The following SEMA3C variants were observed in gnomAD, a reference collection of about 807,000 sequenced individuals.
SEMA3C encodes the protein semaphorin-3C.
In SEMA3C, 47 loss-of-function variants were observed where a neutral mutation model predicts 89.4. The ratio of observed to expected loss-of-function variants is 0.53; its 90% CI spans 0.42 to 0.67. The LOEUF (loss-of-function observed/expected upper bound fraction) is 0.67. Among genes scored for constraint, SEMA3C ranks in the 30% least tolerant of loss-of-function variants. The pLI, the probability that SEMA3C is intolerant of heterozygous loss-of-function variation, is 0.00. For synonymous variants in SEMA3C, 310 were observed against 320.2 expected, an observed-to-expected ratio of 0.97 and a Z score of 0.34; for missense variants, 839 against 929.1, an observed-to-expected ratio of 0.90 and a Z score of 1.26.
At chr7:80,751,933 G>A (rs563794140) in intron 15 of SEMA3C, among the ~76,000 whole-genome samples, 121 of 152,260 alleles carry the variant, frequency 7.9e-4, no homozygotes, top group African/African-American at 2.8e-3. Flanking sequence ...GTACAGATAT[G>A]AGTAAAATGA....
chr7:80,818,989 C>T (rs1789680506), intron 4 of SEMA3C, among the ~76,000 whole-genome samples: 1 of 152,154 alleles, frequency 6.6e-6, no homozygotes, highest in Non-Finnish European at 1.5e-5. Flanking sequence ...ATTCTCTGGG[C>T]ATCCTTACTG....
At chr7:80,801,473 CAG>C (rs1046789291) in intron 9 of SEMA3C, among the ~76,000 whole-genome samples, 2 of 151,912 alleles carry the variant, frequency 1.3e-5, no homozygotes, top group East Asian at 1.9e-4. Flanking sequence ...TGATAAATAA[CAG>C]AATATGAAAG....
At chr7:80,780,978 T>G (rs1788680277) in intron 12 of SEMA3C, among the ~76,000 whole-genome samples, 1 of 152,166 alleles carries the variant, frequency 6.6e-6, no homozygotes, top group Admixed American at 6.5e-5. Context: ...GAGGGTTCCT[T>G]TCTGCATGCT....
intron 6 of SEMA3C, among the ~76,000 whole-genome samples, chr7:80,809,382 C>T (rs1458601591): frequency 2.0e-5 from 3 of 152,088 alleles, no homozygotes; most frequent in Non-Finnish European, 2.9e-5. Context: ...ATTACTAAAA[C>T]ACAGGAGTGC....
rs535756379 is a variant in SEMA3C at position 80,866,482 on chromosome 7, C to A, written c.104-37737G>T. 1.1e-3 allele frequency among the ~76,000 whole-genome samples: 159 copies of A among 151,178 alleles called. 1 individual carries two copies. Among genetic ancestry groups the A allele is most frequent in the African/African-American group, 3.4e-3 (141 of 41,202 alleles). On this transcript the variant is annotated intron_variant, in intron 2 of 17. Transcript: ENST00000265361. ...AGTAGCTCAGCAGCATAAGACAGGG[C>A]AAAAAATAAATAAATAAAAAATAAA...
intron 16 of SEMA3C, among the ~76,000 whole-genome samples, chr7:80,749,337 A>C (rs1364804872): frequency 6.6e-6 from 1 of 152,196 alleles, no homozygotes; most frequent in Non-Finnish European, 1.5e-5. Context: ...AATTATTACA[A>C]TACTCCTGGC....
chr7:80,816,155 T>C (rs774388881), intron 5 of SEMA3C: 1 of 151,986 alleles, frequency 6.6e-6, no homozygotes, highest in Non-Finnish European at 1.5e-5. Flanking sequence ...TCGCAAATAA[T>C]AGAAGAGAAA....
chr7:80,881,218 C>T (rs914645346), intron 2 of SEMA3C, among the ~76,000 whole-genome samples: 7 of 150,360 alleles, frequency 4.7e-5, no homozygotes, highest in African/African-American at 1.7e-4. Context: ...CACTCTCTCT[C>T]ATGTAAAGTT....
At chr7:80,748,215 A>G (rs1787842962) in intron 17 of SEMA3C, among the ~76,000 whole-genome samples, 1 of 152,140 alleles carries the variant, frequency 6.6e-6, no homozygotes, top group Non-Finnish European at 1.5e-5. Context: ...CATGACATCA[A>G]TATTATGAAA....
chr7:80,899,851 T>C (rs1334219186), intron 2 of SEMA3C, among the ~76,000 whole-genome samples: 1 of 152,212 alleles, frequency 6.6e-6, no homozygotes. Flanking sequence ...TTTTCTAGGC[T>C]AGTGACAAGT....
At chr7:80,810,111 T>C (rs1170510988) in intron 6 of SEMA3C, among the ~76,000 whole-genome samples, 1 of 152,124 alleles carries the variant, frequency 6.6e-6, no homozygotes, top group Non-Finnish European at 1.5e-5. Context: ...CACAAAAAAA[T>C]ACGTGGGCGA....
intron 10 of SEMA3C, among the ~76,000 whole-genome samples, chr7:80,799,804 A>T (rs1399179899): frequency 2.6e-5 from 4 of 151,564 alleles, no homozygotes; most frequent in Admixed American, 6.6e-5. Context: ...CAGTGAGCTG[A>T]GATCATGCCA....
intron 5 of SEMA3C, among the ~76,000 whole-genome samples, chr7:80,817,728 G>A (rs963392109): frequency 1.3e-5 from 2 of 152,118 alleles, no homozygotes; most frequent in African/African-American, 4.8e-5. Flanking sequence ...GTAGGATGAT[G>A]TTGGTCTAAG....
At chr7:80,913,285 C>T (rs1290122806) in intron 2 of SEMA3C, among the ~76,000 whole-genome samples, 1 of 152,070 alleles carries the variant, frequency 6.6e-6, no homozygotes, top group Non-Finnish European at 1.5e-5. Context: ...CCTGTAATCC[C>T]AGCTACTCGG....
chr7:80,769,855 TC>T (rs150327711), intron 12 of SEMA3C, among the ~76,000 whole-genome samples: 50 of 72,946 alleles, frequency 6.9e-4, no homozygotes, highest in African/African-American at 1.5e-3. Flanking sequence ...CAAGACTCTG[TC>T]CCCCCCCCAA....
chr7:80,887,314 C>T lies in SEMA3C; in HGVS notation c.103+29365G>A, dbSNP rs112075566. 5.4e-3 allele frequency among the ~76,000 whole-genome samples: 824 copies of T among 152,210 alleles called. 6 individuals carry two copies. The highest frequency in any genetic ancestry group is 0.019 in the African/African-American group (780 of 41,534). ...GTATAACAGAAATAGTATGAGGAAA[C>T]AAGTCAATAAATAGAAAAGCACGAT... On this transcript the variant is annotated intron_variant, in intron 2 of 17. Coordinates refer to ENST00000265361, the MANE Select transcript of SEMA3C (RefSeq NM_006379.5).
intron 5 of SEMA3C, among the ~76,000 whole-genome samples, chr7:80,811,959 A>G (rs377625861): frequency 3.3e-5 from 5 of 152,256 alleles, no homozygotes; most frequent in African/African-American, 1.2e-4. Flanking sequence ...TCCTTTTCAC[A>G]TTGCCTCCAC....
At chr7:80,769,772 T>C (rs536898232) in intron 12 of SEMA3C, among the ~76,000 whole-genome samples, 17 of 143,762 alleles carry the variant, frequency 1.2e-4, no homozygotes, top group African/African-American at 4.4e-4. Context: ...GGCATGAGAA[T>C]CGCTCGAACC....
chr7:80,918,553 AAC>A (rs981986916), intron 1 of SEMA3C: 30 of 152,448 alleles, frequency 2.0e-4, no homozygotes, highest in African/African-American at 7.2e-4. Context: ...GCAAACTAAC[AAC>A]ACATTAAGAA....
Sources: gnomAD v4.1 joint callset for allele counts (sites outside exome capture counted in the v4.1 genomes callset) on GRCh38, gnomAD v4.1.1 for gene constraint, MANE v1.5 for transcripts, NCBI Gene and HGNC (gene_info 2026-07-23, HGNC 2026-07-21) for gene names.